CSMD3: variants seen among roughly 807,000 people sequenced by gnomAD.
CSMD3 encodes the protein CUB and sushi domain-containing protein 3.
Under a neutral mutation model 435.2 loss-of-function variants are expected in CSMD3, and 177 were observed. That is an observed-to-expected ratio of 0.41 (90% confidence interval 0.36 to 0.46). The LOEUF (loss-of-function observed/expected upper bound fraction) is 0.46. Among genes scored for constraint, CSMD3 ranks in the 20% least tolerant of loss-of-function variants. CSMD3 has a pLI of 0.34. For missense variants in CSMD3, 4,265 were observed against 4,504.6 expected, an observed-to-expected ratio of 0.95 and a Z score of 1.52; for synonymous variants, 1,656 against 1,520.5, an observed-to-expected ratio of 1.09 and a Z score of -2.07.
At chr8:113,295,539 A>T (rs1336219161) in intron 2 of CSMD3, among the ~76,000 whole-genome samples, 1 of 152,364 alleles carries the variant, frequency 6.6e-6, no homozygotes, top group East Asian at 1.9e-4. Context: ...AAATAAAGTT[A>T]AAAATTTAGC....
intron 32 of CSMD3, among the ~76,000 whole-genome samples, chr8:112,409,905 A>G (rs1236896930): frequency 1.3e-5 from 2 of 151,990 alleles, no homozygotes; most frequent in Non-Finnish European, 2.9e-5. Context: ...CATTGGTAAA[A>G]TTGTGGGGTT....
intron 4 of CSMD3, among the ~76,000 whole-genome samples, chr8:113,142,764 G>A (rs116786410): frequency 2.0e-5 from 3 of 150,516 alleles, no homozygotes; most frequent in Non-Finnish European, 3.0e-5. Flanking sequence ...CATTTATAAC[G>A]CAAAGAAAGG....
intron 6 of CSMD3, among the ~76,000 whole-genome samples, chr8:112,979,158 A>G (rs1371541165): frequency 6.6e-6 from 1 of 151,906 alleles, no homozygotes; most frequent in African/African-American, 2.4e-5. Flanking sequence ...TTTCCAAAAC[A>G]AAAGTTTAAT....
At chr8:112,350,766 A>G (rs888452554) in intron 40 of CSMD3, among the ~76,000 whole-genome samples, 5 of 152,072 alleles carry the variant, frequency 3.3e-5, no homozygotes, top group African/African-American at 1.2e-4. Context: ...CACTAAAGAC[A>G]TCTCATGAGG....
intron 4 of CSMD3, among the ~76,000 whole-genome samples, chr8:113,127,899 A>G (rs2091180775): frequency 6.6e-6 from 1 of 152,002 alleles, no homozygotes; most frequent in African/African-American, 2.4e-5. Context: ...CTCTTCTTTC[A>G]TTTAGTCAAA....
At chr8:113,300,748 C>T (rs1439194667) in intron 2 of CSMD3, among the ~76,000 whole-genome samples, 1 of 151,950 alleles carries the variant, frequency 6.6e-6, no homozygotes, top group Non-Finnish European at 1.5e-5. Context: ...ATACTCAACA[C>T]CTTGGTGATG....
intron 22 of CSMD3, among the ~76,000 whole-genome samples, chr8:112,632,023 T>C (rs1390727241): frequency 2.0e-5 from 3 of 152,018 alleles, no homozygotes; most frequent in African/African-American, 7.2e-5. Flanking sequence ...TGTGGGCATC[T>C]GATAGATATA....
chr8:113,348,196 C>T (rs988568622), intron 1 of CSMD3, among the ~76,000 whole-genome samples: 4 of 152,060 alleles, frequency 2.6e-5, no homozygotes, highest in African/African-American at 9.7e-5. Flanking sequence ...GATTAAGGTC[C>T]GTTATTAATG....
intron 26 of CSMD3, among the ~76,000 whole-genome samples, chr8:112,551,162 A>T (rs1373039568): frequency 6.6e-6 from 1 of 152,116 alleles, no homozygotes; most frequent in Non-Finnish European, 1.5e-5. Context: ...AGCAGGGGAC[A>T]TTTATAGATA....
chr8:113,174,360 A>T (rs1056976361), intron 3 of CSMD3, among the ~76,000 whole-genome samples: 1 of 152,082 alleles, frequency 6.6e-6, no homozygotes. Flanking sequence ...GGAAACCTTT[A>T]TTTCATTTAA....
intron 10 of CSMD3, among the ~76,000 whole-genome samples, chr8:112,872,291 A>C (rs2081157720): frequency 6.6e-6 from 1 of 152,078 alleles, no homozygotes; most frequent in African/African-American, 2.4e-5. Context: ...TAATCTTCAA[A>C]TACATCTGAG....
chr8:112,289,347 C>G lies in CSMD3; in HGVS notation c.9148+18G>C, dbSNP rs1203154229. On this transcript the variant is annotated intron_variant, in intron 57 of 70. Coordinates refer to ENST00000297405, the MANE Select transcript of CSMD3 (RefSeq NM_198123.2). ...AATGTAATTTCCAACACATATTGTC[C>G]AATTTTCCAAGTGGTACCTGAACAA... 6.2e-7 allele frequency: 1 copy of G among 1,608,584 alleles called. No individual in the cohort carries two copies. The highest frequency in any genetic ancestry group is 1.1e-5 in the South Asian group (1 of 90,980).
intron 6 of CSMD3, among the ~76,000 whole-genome samples, chr8:112,981,440 AT>A (rs2085050309): frequency 1.3e-5 from 2 of 151,724 alleles, no homozygotes; most frequent in African/African-American, 4.8e-5. Flanking sequence ...ACATATTGAT[AT>A]GTTTATTTTT....
chr8:112,315,531 G>A (rs148882931), intron 47 of CSMD3, among the ~76,000 whole-genome samples: 195 of 151,896 alleles, frequency 1.3e-3, no homozygotes, highest in African/African-American at 4.6e-3. Flanking sequence ...GAATTATTTA[G>A]TATGGTCCAT....
chr8:113,156,748 A>ATAAATAAATAAATAAATAAT (rs1554792367), intron 4 of CSMD3, among the ~76,000 whole-genome samples: 110 of 147,354 alleles, frequency 7.5e-4, no homozygotes, highest in Admixed American at 1.4e-3. Context: ...AAATAAATAA[A>ATAAATAAATAAATAAATAAT]TAAATAAATA....
chr8:113,120,162 C>A (rs765690171), intron 4 of CSMD3, among the ~76,000 whole-genome samples: 2 of 151,990 alleles, frequency 1.3e-5, no homozygotes, highest in African/African-American at 2.4e-5. Context: ...CATCTACAAT[C>A]TGCTTCAAGT....
chr8:112,347,108 A>G (rs1825752819), intron 40 of CSMD3, among the ~76,000 whole-genome samples: 1 of 152,188 alleles, frequency 6.6e-6, no homozygotes, highest in African/African-American at 2.4e-5. Flanking sequence ...AGATGCACAC[A>G]AATTTGAGAA....
chr8:112,517,316 T>G, intron 27 of CSMD3, 91 bp from the exon 28 acceptor site: 1 of 902,960 alleles, frequency 1.1e-6, no homozygotes, highest in Admixed American at 2.4e-5. Context: ...ATTTTTAAAA[T>G]TTTGGGGTCA....
chr8:112,529,234 A>C (rs1825287511), intron 27 of CSMD3, among the ~76,000 whole-genome samples: 1 of 152,112 alleles, frequency 6.6e-6, no homozygotes, highest in Non-Finnish European at 1.5e-5. Context: ...AATAAGGGAT[A>C]ATGGAAATAG....
Sources: gnomAD v4.1 joint callset for allele counts (sites outside exome capture counted in the v4.1 genomes callset) on GRCh38, gnomAD v4.1.1 for gene constraint, MANE v1.5 for transcripts, NCBI Gene and HGNC (gene_info 2026-07-23, HGNC 2026-07-21) for gene names.